Variants in CUX2 observed in about 807,000 individuals in gnomAD.
CUX2 encodes the protein cut like homeobox 2.
CUX2 carries 40 observed loss-of-function variants against 144.8 expected under a neutral mutation model. That is an observed-to-expected ratio of 0.28 (90% CI 0.21 to 0.36). CUX2 has a LOEUF of 0.36. CUX2 is among the 10% of genes least tolerant of loss of function. The probability of loss-of-function intolerance (pLI) is 1.00; values close to 1 mark genes in which losing one functional copy is unlikely to be tolerated. For missense variants in CUX2, 1,615 were observed against 1,994.0 expected, an observed-to-expected ratio of 0.81 and a Z score of 3.62; for synonymous variants, 827 against 875.6, an observed-to-expected ratio of 0.94 and a Z score of 0.98.
chr12:111,336,352 A>C (rs903401716), intron 19 of CUX2, among the ~76,000 whole-genome samples: 2 of 152,168 alleles, frequency 1.3e-5, no homozygotes, highest in African/African-American at 4.8e-5. Flanking sequence ...GTATACCGAA[A>C]AGTACAGGAA....
chr12:111,123,788 G>A (rs528850129), intron 1 of CUX2, among the ~76,000 whole-genome samples: 34 of 152,048 alleles, frequency 2.2e-4, no homozygotes, highest in East Asian at 9.7e-4. Context: ...CCCCTGCCTC[G>A]GCCTCCCAAA....
intron 1 of CUX2, among the ~76,000 whole-genome samples, chr12:111,088,386 G>A (rs76014164): frequency 6.6e-6 from 1 of 151,944 alleles, no homozygotes; most frequent in Non-Finnish European, 1.5e-5. Flanking sequence ...GAGCTACCAC[G>A]CCCAGCCTCT....
intron 1 of CUX2, among the ~76,000 whole-genome samples, chr12:111,168,625 C>T (rs747664915): frequency 1.3e-5 from 2 of 152,144 alleles, no homozygotes; most frequent in Non-Finnish European, 2.9e-5. Context: ...AGGGGAGAGT[C>T]GCATTGTGTT....
chr12:111,100,872 G>A (rs80312656), intron 1 of CUX2, among the ~76,000 whole-genome samples: 2,158 of 152,290 alleles, frequency 0.014, 57 homozygotes, highest in African/African-American at 0.049. Context: ...GGAGCCCCCA[G>A]TAGAGCCCTC....
chr12:111,083,793 G>A (rs1366670230), intron 1 of CUX2, among the ~76,000 whole-genome samples: 1 of 152,092 alleles, frequency 6.6e-6, no homozygotes, highest in Non-Finnish European at 1.5e-5. Flanking sequence ...TGAACCTTGG[G>A]GCTGGCAGGG....
chr12:111,329,741 T>C (rs1888006775), intron 18 of CUX2, among the ~76,000 whole-genome samples: 1 of 152,186 alleles, frequency 6.6e-6, no homozygotes, highest in Non-Finnish European at 1.5e-5. Context: ...GTTCAACCAA[T>C]TCTCCTGCCT....
chr12:111,178,937 C>T lies in CUX2; in HGVS notation c.64-35263C>T, dbSNP rs996177415. ...ACAGCAAGGGGGTCAGCGGTCGGCG[C>T]AGGGGAAAGCAGGGCTGAGAGAGGC... is the stretch of plus-strand genomic sequence containing the variant. On this transcript the variant is annotated intron_variant, in intron 1 of 21. Coordinates refer to ENST00000261726, the MANE Select transcript of CUX2 (RefSeq NM_015267.4). This position sits in a 1 kb window ranked among gnomAD's most constrained non-coding sequence, Gnocchi z 5.7. 6.6e-6 allele frequency among the ~76,000 whole-genome samples: 1 copy of T among 152,104 alleles called. No homozygotes were observed. Among genetic ancestry groups the T allele is most frequent in the African/African-American group, 2.4e-5 (1 of 41,392 alleles).
chr12:111,214,141 A>G (rs1881387987), intron 1 of CUX2, 59 bp from the exon 2 acceptor site: 8 of 1,164,858 alleles, frequency 6.9e-6, no homozygotes, highest in Admixed American at 2.5e-5. Context: ...AAGGAAAAAA[A>G]GAAGAAAAAT....
intron 1 of CUX2, among the ~76,000 whole-genome samples, chr12:111,064,205 G>A (rs1195729403): frequency 6.6e-6 from 1 of 152,162 alleles, no homozygotes; most frequent in East Asian, 1.9e-4. Flanking sequence ...CAGAGAGCTG[G>A]TTACCACCAG....
At chr12:111,172,896 CT>C (rs1426735519) in intron 1 of CUX2, among the ~76,000 whole-genome samples, 2 of 152,214 alleles carry the variant, frequency 1.3e-5, no homozygotes, top group Non-Finnish European at 2.9e-5. Flanking sequence ...AATGATTTCC[CT>C]TCCAGCTTTA....
At chr12:111,182,591 C>G (rs569326813) in intron 1 of CUX2, among the ~76,000 whole-genome samples, 8 of 152,336 alleles carry the variant, frequency 5.3e-5, no homozygotes, top group South Asian at 4.1e-4. Flanking sequence ...AATGCTGAGG[C>G]CTCCCAGTTC....
intron 1 of CUX2, among the ~76,000 whole-genome samples, chr12:111,120,518 G>T (rs951064076): frequency 3.9e-5 from 6 of 152,074 alleles, no homozygotes; most frequent in Non-Finnish European, 7.4e-5. Context: ...TTGTTGGGCT[G>T]TTGAGTAGAC....
chr12:111,219,235 C>G (rs1335378593), intron 3 of CUX2, among the ~76,000 whole-genome samples: 1 of 152,104 alleles, frequency 6.6e-6, no homozygotes, highest in Non-Finnish European at 1.5e-5. Context: ...CATTTTATTA[C>G]CTAGTTGACT....
At chr12:111,209,758 C>A (rs1437412838) in intron 1 of CUX2, among the ~76,000 whole-genome samples, 1 of 152,182 alleles carries the variant, frequency 6.6e-6, no homozygotes, top group East Asian at 1.9e-4. Flanking sequence ...TTCCTCCAAG[C>A]CCCCGGCTTC....
At chr12:111,155,366 G>A (rs957313286) in intron 1 of CUX2, among the ~76,000 whole-genome samples, 6 of 152,142 alleles carry the variant, frequency 3.9e-5, no homozygotes, top group Non-Finnish European at 1.5e-5. Flanking sequence ...AGCAAATGTT[G>A]GCCATTAATA....
intron 1 of CUX2, among the ~76,000 whole-genome samples, chr12:111,189,930 C>G (rs1879778028): frequency 6.6e-6 from 1 of 152,202 alleles, no homozygotes; most frequent in Non-Finnish European, 1.5e-5. Flanking sequence ...TTCCCAGATA[C>G]TGACACTTCC....
At chr12:111,050,955 T>C (rs145886325) in intron 1 of CUX2, among the ~76,000 whole-genome samples, 119 of 152,322 alleles carry the variant, frequency 7.8e-4, no homozygotes, top group African/African-American at 2.6e-3. Context: ...AGGGTGACTA[T>C]AGTTAACAGC....
chr12:111,110,298 A>G (rs182086101), intron 1 of CUX2, among the ~76,000 whole-genome samples: 63 of 152,232 alleles, frequency 4.1e-4, no homozygotes, highest in Non-Finnish European at 6.2e-4. Flanking sequence ...ACATGATACA[A>G]TCTAGCACAA....
chr12:111,247,758 C>T (rs1883347407), intron 3 of CUX2, among the ~76,000 whole-genome samples: 1 of 152,194 alleles, frequency 6.6e-6, no homozygotes, highest in Non-Finnish European at 1.5e-5. Context: ...CCTCATGTTC[C>T]AGGGGCGTCC....
Sources: allele counts gnomAD v4.1 joint callset (sites outside exome capture counted in the v4.1 genomes callset), GRCh38; gene constraint gnomAD v4.1.1; non-coding constraint Gnocchi (gnomAD v3.1); transcripts MANE v1.5; gene names NCBI Gene and HGNC (gene_info 2026-07-23, HGNC 2026-07-21).